The following BICRAL variants were observed in gnomAD, a reference collection of about 807,000 sequenced individuals.
The protein encoded by BICRAL is BICRA like chromatin remodeling complex associated protein.
In BICRAL, 8 loss-of-function variants were observed where a neutral mutation model predicts 91.8. The ratio of observed to expected loss-of-function variants is 0.09; its 90% CI spans 0.05 to 0.16. The LOEUF (loss-of-function observed/expected upper bound fraction) is 0.16, where lower values mean the gene tolerates loss of function less well. Ranked by LOEUF, BICRAL falls within the 10% of genes least tolerant of loss-of-function variation. BICRAL has a pLI of 1.00. For missense variants in BICRAL, 1,038 were observed against 1,310.9 expected (o/e 0.79, Z 3.21); for synonymous variants, 445 against 491.1 (o/e 0.91, Z 1.24).
At chr6:42,780,964 T>C (rs1465230014), upstream of BICRAL, among the ~76,000 whole-genome samples, 1 of 152,098 alleles carries the variant, frequency 6.6e-6, no homozygotes, top group Non-Finnish European at 1.5e-5. Flanking sequence ...CTCGAACTGC[T>C]GACCTCAGGT....
chr6:42,833,783 C>T (rs552675263), intron 6 of BICRAL, among the ~76,000 whole-genome samples: 2 of 152,252 alleles, frequency 1.3e-5, no homozygotes, highest in South Asian at 4.1e-4. Context: ...TTAAAATCTG[C>T]AACAGTTCCT....
intron 1 of BICRAL, among the ~76,000 whole-genome samples, chr6:42,764,972 A>T (rs993290673): frequency 1.3e-5 from 2 of 152,170 alleles, no homozygotes; most frequent in Admixed American, 6.5e-5. Context: ...GTTATGTTTT[A>T]AAAATGTTAG....
In BICRAL at chr6:42,830,065, C is replaced by G. The variant is rs1284099500; in HGVS notation, c.1732C>G (p.Pro578Ala). 6.2e-7 allele frequency: 1 copy of G among 1,614,048 alleles called. No individual in the cohort carries two copies. Among genetic ancestry groups the G allele is most frequent in the South Asian group, 1.1e-5 (1 of 91,094 alleles). ...TCAGCTGACCCAGCCAAACAGGACT[C>G]CAGTACCAGTCAGTGTGTCTCATCG... ...GDQLTQPNRT[P>A]VPVSVSHRLP... is the part of the protein sequence containing the mutation. The change falls in exon 6 of 13, where the codon CCA (proline) becomes GCA (alanine). Residue 578 changes from proline (P) to alanine (A), a missense_variant. Pro to Ala is a conservative substitution (Grantham distance 27, BLOSUM62 -1). Coordinates refer to ENST00000314073, the MANE Select transcript of BICRAL (RefSeq NM_001393499.1).
chr6:42,774,934 GTTCC>G (rs757872558), intron 1 of BICRAL, among the ~76,000 whole-genome samples: 20 of 151,172 alleles, frequency 1.3e-4, no homozygotes, highest in Non-Finnish European at 2.5e-4. Flanking sequence ...TTTCAGAGTG[GTTCC>G]TTTTTTTTTT....
chr6:42,802,428 T>TGTTGTTG (rs142098476), intron 1 of BICRAL, among the ~76,000 whole-genome samples: 2,858 of 104,010 alleles, frequency 0.027, 90 homozygotes, highest in African/African-American at 0.074. Flanking sequence ...CGTGTTTTTT[T>TGTTGTTG]TTGTTGTTGT....
intron 1 of BICRAL, among the ~76,000 whole-genome samples, chr6:42,757,621 A>G (rs1762482671): frequency 6.6e-6 from 1 of 152,072 alleles, no homozygotes; most frequent in Non-Finnish European, 1.5e-5. Context: ...TCCTGGCCTC[A>G]AGTGATCTGT....
chr6:42,850,916 T>A (rs907457188), intron 6 of BICRAL, among the ~76,000 whole-genome samples: 1 of 150,898 alleles, frequency 6.6e-6, no homozygotes, highest in Non-Finnish European at 1.5e-5. Flanking sequence ...ATTGGCTGGG[T>A]GTGGTGGCTC....
intron 6 of BICRAL, among the ~76,000 whole-genome samples, chr6:42,840,839 C>G (rs997222380): frequency 4.0e-5 from 6 of 151,514 alleles, no homozygotes; most frequent in Non-Finnish European, 7.4e-5. Flanking sequence ...TTTGGGAGGC[C>G]GAAGCGGGTG....
chr6:42,815,604 GA>G (rs1384822245), intron 2 of BICRAL, among the ~76,000 whole-genome samples: 3 of 151,790 alleles, frequency 2.0e-5, no homozygotes, highest in Non-Finnish European at 4.4e-5. Context: ...CCTCTGTGTG[GA>G]AAAAAAATTA....
Position 42,802,367 on chromosome 6 carries a change from T to C in BICRAL, c.-101-7939T>C, listed in dbSNP as rs1763598697. Reference sequence around the variant, plus strand: ...TTCTATTTAATATTCAGATAGTTTGTCTTTATTGAGAATATATAAGTAAGA... The same window carrying C: ...TTCTATTTAATATTCAGATAGTTTGCCTTTATTGAGAATATATAAGTAAGA... On this transcript the variant is annotated intron_variant, in intron 1 of 12. Coordinates refer to ENST00000314073, the MANE Select transcript of BICRAL (RefSeq NM_001393499.1). Among the ~76,000 whole-genome samples, 6 of 152,366 alleles carry C rather than the reference T, an allele frequency of 3.9e-5. No homozygotes were observed. In the South Asian group the frequency reaches 1.2e-3, roughly 32 times the overall value.
At chr6:42,842,318 C>T (rs1445884754) in intron 6 of BICRAL, among the ~76,000 whole-genome samples, 1 of 152,218 alleles carries the variant, frequency 6.6e-6, no homozygotes, top group African/African-American at 2.4e-5. Context: ...AATTAGACAG[C>T]TGCAACAATT....
intron 7 of BICRAL, 65 bp downstream of exon 7, chr6:42,852,262 C>T: frequency 1.1e-6 from 1 of 940,080 alleles, no homozygotes; most frequent in East Asian, 2.4e-5. Flanking sequence ...TCACTTTTCT[C>T]CCTCATTCTG....
chr6:42,839,068 C>T (rs1439829242), intron 6 of BICRAL, among the ~76,000 whole-genome samples: 12 of 149,324 alleles, frequency 8.0e-5, no homozygotes, highest in East Asian at 4.0e-4. Context: ...GGTGTGGTGG[C>T]GTGTGCCTAT....
At chr6:42,799,879 A>T (rs1293896107) in intron 1 of BICRAL, among the ~76,000 whole-genome samples, 1 of 151,480 alleles carries the variant, frequency 6.6e-6, no homozygotes, top group Non-Finnish European at 1.5e-5. Context: ...ATATTTATTT[A>T]TTTATTTATT....
intron 10 of BICRAL, 53 bp from the exon 11 acceptor site, chr6:42,860,209 C>A: frequency 1.0e-6 from 1 of 993,246 alleles, no homozygotes; most frequent in South Asian, 1.3e-5. Flanking sequence ...AACAGAAGAC[C>A]TAGTCAGTGA....
chr6:42,845,195 G>GGTTTTTTTTTTTTTTTTTTTTT lies in BICRAL; in HGVS notation c.1840-6897_1840-6896insGTTTTTTTTTTTTTTTTTTTTT, dbSNP rs1562490931. Among the ~76,000 whole-genome samples the GGTTTTTTTTTTTTTTTTTTTTT allele has an allele frequency of 2.0e-4, 5 of 25,568 alleles. 2 individuals are homozygous for GGTTTTTTTTTTTTTTTTTTTTT. Among genetic ancestry groups the GGTTTTTTTTTTTTTTTTTTTTT allele is most frequent in the Non-Finnish European group, 1.7e-4 (2 of 11,780 alleles). The allele number at this position is 25,568 out of a possible 152,430, so 16.8% of individuals were successfully genotyped here. A position where few individuals can be genotyped will look rare whatever the true frequency, so the allele number is the denominator to read the frequency against. On this transcript the variant is annotated intron_variant, in intron 6 of 12. Coordinates refer to ENST00000314073, the MANE Select transcript of BICRAL (RefSeq NM_001393499.1). Reference sequence around the variant, plus strand: ...CTTCTCTGTTTTTTGTTTTTTGGGTGTTTTTTTTTTTTTTTTTTTTTTTTT... The same window carrying GGTTTTTTTTTTTTTTTTTTTTT: ...CTTCTCTGTTTTTTGTTTTTTGGGTGGTTTTTTTTTTTTTTTTTTTTTTTTTTTTTTTTTTTTTTTTTTTTTT...
intron 5 of BICRAL, among the ~76,000 whole-genome samples, chr6:42,827,388 T>C (rs1053298198): frequency 6.6e-6 from 1 of 152,190 alleles, no homozygotes; most frequent in African/African-American, 2.4e-5. Context: ...TGACATTCAT[T>C]TTGAACAAAT....
In BICRAL at chr6:42,866,897, G is replaced by A. The variant is rs1393691191; in HGVS notation, c.*1451G>A. 2.2e-6 allele frequency: 1 copy of A among 455,880 alleles called. No individual in the cohort carries two copies. The highest frequency in any genetic ancestry group is 2.0e-5 in the African/African-American group (1 of 50,148). The allele number at this position is 455,880 out of a possible 1,614,324, so 28.2% of individuals were successfully genotyped here. On this transcript the variant is annotated 3_prime_UTR_variant, in exon 13 of 13. Coordinates refer to ENST00000314073, the MANE Select transcript of BICRAL (RefSeq NM_001393499.1). ...CTCTCATTGGGAAAGCTACATGATA[G>A]TATTTTTATGCACTCTTCTCCCACA...
At chr6:42,811,204 A>G (rs1351922255) in intron 2 of BICRAL, among the ~76,000 whole-genome samples, 1 of 152,222 alleles carries the variant, frequency 6.6e-6, no homozygotes, top group Non-Finnish European at 1.5e-5. Context: ...AACAAATGAG[A>G]TGAGCCCTGT....
Sources: allele counts gnomAD v4.1 joint callset (sites outside exome capture counted in the v4.1 genomes callset), GRCh38; gene constraint gnomAD v4.1.1; transcripts MANE v1.5; gene names NCBI Gene and HGNC (gene_info 2026-07-23, HGNC 2026-07-21).